The following ARHGAP28 variants were observed in gnomAD, a reference collection of about 807,000 sequenced individuals.
The protein encoded by ARHGAP28 is Rho GTPase activating protein 28.
ARHGAP28 carries 56 observed loss-of-function variants against 90.7 expected under a neutral mutation model. That is an observed-to-expected ratio of 0.62 (90% CI 0.50 to 0.77). The LOEUF (loss-of-function observed/expected upper bound fraction) is 0.77, where lower values mean the gene tolerates loss of function less well. Among genes scored for constraint, ARHGAP28 ranks in the 30% least tolerant of loss-of-function variants. The pLI is 0.00. For synonymous variants in ARHGAP28, 308 were observed against 323.3 expected (o/e 0.95, Z 0.51); for missense variants, 869 against 900.9 (o/e 0.96, Z 0.45).
chr18:6,884,937 CCT>C (rs747408939), intron 11 of ARHGAP28, among the ~76,000 whole-genome samples: 10 of 152,110 alleles, frequency 6.6e-5, no homozygotes, highest in Non-Finnish European at 2.9e-5. Context: ...CAAATGATTC[CCT>C]GACTGTCAGT....
intron 1 of ARHGAP28, among the ~76,000 whole-genome samples, chr18:6,808,076 G>A (rs2056531614): frequency 6.6e-6 from 1 of 152,170 alleles, no homozygotes; most frequent in Non-Finnish European, 1.5e-5. Flanking sequence ...TGGGAAGTGA[G>A]TCTGGTTCCT....
chr18:6,867,227 C>A (rs1360239762), intron 5 of ARHGAP28, among the ~76,000 whole-genome samples: 1 of 152,092 alleles, frequency 6.6e-6, no homozygotes, highest in South Asian at 2.1e-4. Context: ...GAATTCAAGA[C>A]CCCTTTGCGC....
At position 6,832,354 on chromosome 18, in the gene ARHGAP28, C is replaced by T. The variant is rs180677851; in HGVS notation, c.326-4843C>T. 3.3e-5 allele frequency among the ~76,000 whole-genome samples: 5 copies of T among 152,014 alleles called. No individual in the cohort carries two copies. In the East Asian group the frequency reaches 9.7e-4, roughly 29 times the overall value. On this transcript the variant is annotated intron_variant, in intron 2 of 17. Coordinates refer to ENST00000383472, the MANE Select transcript of ARHGAP28 (RefSeq NM_001366230.1). Reference sequence around the variant, plus strand: ...TCTGTCTTGGTCAAGGTTCCATGTGCACTTAAAAAGAATGTGTTTTACTTG... The same window carrying T: ...TCTGTCTTGGTCAAGGTTCCATGTGTACTTAAAAAGAATGTGTTTTACTTG...
rs187303883 is a variant in ARHGAP28, at chr18:6,756,918, C to T, written c.122+26975C>T. Among the ~76,000 whole-genome samples, 30 of 152,284 alleles carry T rather than the reference C, an allele frequency of 2.0e-4. No individual in the cohort carries two copies. In the East Asian group the frequency reaches 2.7e-3, roughly 14 times the overall value. ...TCTTCTGCCTGCTTTATGCTAGCTG[C>T]GCTGGCAGTTGATTGGATGGTGCCC... is the stretch of plus-strand genomic sequence containing the variant. On this transcript the variant is annotated intron_variant, in intron 1 of 17. Transcript: ENST00000383472.
At chr18:6,899,345 T>C (rs1305971428) in intron 16 of ARHGAP28, among the ~76,000 whole-genome samples, 1 of 151,980 alleles carries the variant, frequency 6.6e-6, no homozygotes, top group Non-Finnish European at 1.5e-5. Flanking sequence ...CGGTGGTGAG[T>C]TCTGGGAGTT....
At chr18:6,909,963 C>A (rs1019817900) in intron 17 of ARHGAP28, among the ~76,000 whole-genome samples, 1 of 152,144 alleles carries the variant, frequency 6.6e-6, no homozygotes, top group Non-Finnish European at 1.5e-5. Context: ...ATTATTTCTT[C>A]ACCCCCCTTT....
chr18:6,770,502 G>A (rs1246273711), intron 1 of ARHGAP28, among the ~76,000 whole-genome samples: 2 of 152,140 alleles, frequency 1.3e-5, no homozygotes, highest in Non-Finnish European at 2.9e-5. Context: ...TTGACTCTTG[G>A]ATGGCAGTTT....
chr18:6,912,285 G>A lies in ARHGAP28; in HGVS notation c.*131G>A. On this transcript the variant is annotated 3_prime_UTR_variant, in exon 18 of 18. Coordinates refer to ENST00000383472, the MANE Select transcript of ARHGAP28 (RefSeq NM_001366230.1). ...CTCAGTATTTCTGGCCCTCAGCAGT[G>A]GGCATTGTAAGCATGAACTATGGAA... 1 of 492,332 alleles carries A rather than the reference G, an allele frequency of 2.0e-6. No homozygotes were observed. Among genetic ancestry groups the A allele is most frequent in the Non-Finnish European group, 3.6e-6 (1 of 281,322 alleles). The allele number at this position is 492,332 out of a possible 1,614,324, so 30.5% of individuals were successfully genotyped here. A position where few individuals can be genotyped will look rare whatever the true frequency, so the allele number is the denominator to read the frequency against.
intron 11 of ARHGAP28, among the ~76,000 whole-genome samples, chr18:6,886,781 T>C (rs1252334665): frequency 6.6e-6 from 1 of 152,236 alleles, no homozygotes; most frequent in African/African-American, 2.4e-5. Context: ...CTAATACTTA[T>C]ACTTTTCTGC....
chr18:6,896,452 G>C lies in ARHGAP28; in HGVS notation c.1906-50G>C, dbSNP rs747010766. 1.9e-6 allele frequency: 3 copies of C among 1,604,160 alleles called. No homozygotes were observed. The African/African-American group carries it at 4.0e-5, about 21-fold the overall frequency. Reference sequence around the variant, plus strand: ...TATCTCTTAAGTGCATCATTGAGCCGATATTCATCCTAGTTTGACAGACTG... The same window carrying C: ...TATCTCTTAAGTGCATCATTGAGCCCATATTCATCCTAGTTTGACAGACTG... On this transcript the variant is annotated intron_variant, in intron 15 of 17. Coordinates refer to ENST00000383472, the MANE Select transcript of ARHGAP28 (RefSeq NM_001366230.1).
At chr18:6,829,518 C>G (rs1240166927) in intron 2 of ARHGAP28, among the ~76,000 whole-genome samples, 1 of 152,010 alleles carries the variant, frequency 6.6e-6, no homozygotes, top group Non-Finnish European at 1.5e-5. Context: ...GATTTTTTTT[C>G]CTTGAAGCAT....
chr18:6,862,375 G>A (rs2057005509), intron 5 of ARHGAP28, among the ~76,000 whole-genome samples: 1 of 152,144 alleles, frequency 6.6e-6, no homozygotes, highest in African/African-American at 2.4e-5. Flanking sequence ...GACTTCAGGG[G>A]GCCCCGACAA....
At chr18:6,806,023 T>C (rs553320308) in intron 1 of ARHGAP28, among the ~76,000 whole-genome samples, 40 of 152,156 alleles carry the variant, frequency 2.6e-4, no homozygotes, top group African/African-American at 9.6e-4. Context: ...TAGCTGGGAC[T>C]ACAGGCACAC....
intron 17 of ARHGAP28, among the ~76,000 whole-genome samples, chr18:6,909,790 CT>C (rs1049059574): frequency 1.3e-5 from 2 of 152,138 alleles, no homozygotes; most frequent in African/African-American, 2.4e-5. Context: ...CCCGCTTGGT[CT>C]GTGAATATCC....
intron 1 of ARHGAP28, among the ~76,000 whole-genome samples, chr18:6,799,284 T>G (rs2056464566): frequency 1.3e-5 from 2 of 151,792 alleles, no homozygotes; most frequent in African/African-American, 4.9e-5. Context: ...ATAGGAAGAA[T>G]CAGTATTGTG....
chr18:6,810,630 G>C (rs1220570431), intron 1 of ARHGAP28, among the ~76,000 whole-genome samples: 1 of 152,128 alleles, frequency 6.6e-6, no homozygotes, highest in Non-Finnish European at 1.5e-5. Context: ...GTCTGAGGGA[G>C]TAGTTAAGGA....
Position 6,870,484 on chromosome 18 carries a change from G to A in ARHGAP28, c.812-106G>A, listed in dbSNP as rs573320683. ...TTTCCTCGCATATAAACACTGTAACGTGCTTGTGGATTCACTTGTAAATAT... is the reference window on the plus strand; with the variant it reads ...TTTCCTCGCATATAAACACTGTAACATGCTTGTGGATTCACTTGTAAATAT... On this transcript the variant is annotated intron_variant, in intron 6 of 17. Transcript: ENST00000383472. 246 of 1,174,080 alleles carry A rather than the reference G, an allele frequency of 2.1e-4. 1 individual carries two copies. The East Asian group carries it at 4.2e-3, about 20-fold the overall frequency. 72.7% of individuals were successfully genotyped at this position (1,174,080 alleles called of 1,614,324 possible). A position where few individuals can be genotyped will look rare whatever the true frequency, so the allele number is the denominator to read the frequency against.
chr18:6,752,177 A>G (rs1057065793), intron 1 of ARHGAP28, among the ~76,000 whole-genome samples: 4 of 152,226 alleles, frequency 2.6e-5, no homozygotes, highest in African/African-American at 9.6e-5. Flanking sequence ...GCCAATGCCC[A>G]TTCACCCTTG....
chr18:6,840,977 A>G (rs2056803410), intron 3 of ARHGAP28, among the ~76,000 whole-genome samples: 1 of 152,108 alleles, frequency 6.6e-6, no homozygotes, highest in South Asian at 2.1e-4. Flanking sequence ...GTTTCCTAAA[A>G]AATTCGGCAT....
Sources: gnomAD v4.1 joint callset for allele counts (sites outside exome capture counted in the v4.1 genomes callset) on GRCh38, gnomAD v4.1.1 for gene constraint, MANE v1.5 for transcripts, NCBI Gene and HGNC (gene_info 2026-07-23, HGNC 2026-07-21) for gene names.